FAM135B: variants seen among roughly 807,000 people sequenced by gnomAD.
The protein encoded by FAM135B is family with sequence similarity 135 member B, also known as protein FAM135B.
A neutral mutation model predicts 127.7 loss-of-function variants in FAM135B; 43 were observed. That is an observed-to-expected ratio of 0.34 (90% CI 0.26 to 0.43). The LOEUF (loss-of-function observed/expected upper bound fraction) is 0.43, where lower values mean the gene tolerates loss of function less well. Among genes scored for constraint, FAM135B ranks in the 20% least tolerant of loss-of-function variants. FAM135B has a pLI of 1.00. For missense variants in FAM135B, 1,558 were observed against 1,725.6 expected (o/e 0.90, Z 1.72); for synonymous variants, 670 against 665.1 (o/e 1.01, Z -0.11).
At chr8:138,482,080 C>T (rs1017344536) in intron 1 of FAM135B, among the ~76,000 whole-genome samples, 1 of 152,158 alleles carries the variant, frequency 6.6e-6, no homozygotes, top group Non-Finnish European at 1.5e-5. Flanking sequence ...CCACATCATG[C>T]CCAAGCTTCA....
intron 1 of FAM135B, among the ~76,000 whole-genome samples, chr8:138,436,263 T>C (rs1367601980): frequency 3.3e-5 from 5 of 152,156 alleles, no homozygotes; most frequent in East Asian, 3.9e-4. Context: ...CTCGGTAAGA[T>C]CAATGGATAT....
intron 1 of FAM135B, among the ~76,000 whole-genome samples, chr8:138,446,341 T>C (rs1290006940): frequency 5.3e-5 from 8 of 152,052 alleles, no homozygotes; most frequent in Non-Finnish European, 8.8e-5. Context: ...GAGCCCGCAT[T>C]GCCAAGTCAA....
intron 2 of FAM135B, among the ~76,000 whole-genome samples, chr8:138,363,375 T>C (rs1239748389): frequency 6.6e-6 from 1 of 152,156 alleles, no homozygotes; most frequent in Non-Finnish European, 1.5e-5. Context: ...GGCCATACAA[T>C]GTTGGGTTGG....
intron 1 of FAM135B, among the ~76,000 whole-genome samples, chr8:138,472,859 C>G (rs1288597035): frequency 6.6e-6 from 1 of 152,112 alleles, no homozygotes; most frequent in Non-Finnish European, 1.5e-5. Flanking sequence ...TCTGTTAATG[C>G]AGATGCATTG....
chr8:138,214,935 A>G (rs932228009), intron 7 of FAM135B, among the ~76,000 whole-genome samples: 1 of 152,206 alleles, frequency 6.6e-6, no homozygotes, highest in African/African-American at 2.4e-5. Flanking sequence ...GAATTAGGAC[A>G]TATTTGCAGG....
At chr8:138,136,109 T>C (rs1191315549) in intron 19 of FAM135B, among the ~76,000 whole-genome samples, 2 of 151,924 alleles carry the variant, frequency 1.3e-5, no homozygotes, top group African/African-American at 4.8e-5. Flanking sequence ...TTACATATAC[T>C]AGATGGTATA....
rs2280848 is a variant in FAM135B at position 138,132,671 on chromosome 8, G to A, written c.4143C>T (p.Ala1381=). 0.036 allele frequency: 57,511 copies of A among 1,614,042 alleles called. 2,034 individuals carry two copies. Among genetic ancestry groups the A allele is most frequent in the East Asian group, 0.22 (9,933 of 44,844 alleles). The part of the protein sequence containing the change: ...PNTANTLIGR[A]AHIAVLDSEL... ...CTGAATCCAGCACAGCGATGTGAGC[G>A]GCTCGGCCGATCAGGGTGTTGGCAG... The change falls in exon 20 of 20, where the codon GCC becomes GCT. Residue 1381 remains alanine (A), a synonymous_variant. Coordinates refer to ENST00000395297, the MANE Select transcript of FAM135B (RefSeq NM_015912.4). This position sits in a 1 kb window ranked among gnomAD's most constrained non-coding sequence, Gnocchi z 4.5.
At chr8:138,172,967 G>A (rs1461047370) in intron 11 of FAM135B, among the ~76,000 whole-genome samples, 1 of 152,134 alleles carries the variant, frequency 6.6e-6, no homozygotes, top group African/African-American at 2.4e-5. Flanking sequence ...GGTCGGCCTT[G>A]CACACCTGTG....
In FAM135B at chr8:138,197,630, C is replaced by T. The variant is rs554108334; in HGVS notation, c.709G>A (p.Ala237Thr). 41 of 1,614,162 alleles carry T rather than the reference C, an allele frequency of 2.5e-5. No individual in the cohort carries two copies. In the South Asian group the frequency reaches 3.1e-4, roughly 12 times the overall value. ...YITSENCMQH[A>T]HKWHRDLCLL... is the part of the protein sequence containing the mutation. ...CACAGGTCTCGGTGCCACTTGTGTGCGTGCTGCATGCAGTTCTCAGAGGTG... is the reference window on the plus strand; with the variant it reads ...CACAGGTCTCGGTGCCACTTGTGTGTGTGCTGCATGCAGTTCTCAGAGGTG... Residue 237 changes from alanine to threonine, a missense_variant, in exon 8 of 20, where the codon GCA becomes ACA. Around this residue, in one of 5 missense-constraint regions of FAM135B, gnomAD observed 127 missense variants for 109.7 expected, o/e 1.16. Coordinates refer to ENST00000395297, the MANE Select transcript of FAM135B (RefSeq NM_015912.4).
chr8:138,135,870 G>C (rs1816615650), intron 19 of FAM135B, among the ~76,000 whole-genome samples: 1 of 151,778 alleles, frequency 6.6e-6, no homozygotes, highest in Non-Finnish European at 1.5e-5. Context: ...TTATTAACAT[G>C]GACAAATAAC....
intron 1 of FAM135B, among the ~76,000 whole-genome samples, chr8:138,445,701 TG>T (rs1477418733): frequency 6.6e-6 from 1 of 152,186 alleles, no homozygotes; most frequent in Non-Finnish European, 1.5e-5. Flanking sequence ...AATATCATAC[TG>T]AATGGACAAG....
intron 9 of FAM135B, among the ~76,000 whole-genome samples, chr8:138,191,445 T>C (rs1054311566): frequency 1.2e-4 from 18 of 152,188 alleles, no homozygotes; most frequent in African/African-American, 4.1e-4. Context: ...GGTCAGTCAT[T>C]TCCTCACCTT....
intron 3 of FAM135B, among the ~76,000 whole-genome samples, chr8:138,301,176 C>G (rs770168019): frequency 1.3e-5 from 2 of 152,110 alleles, no homozygotes; most frequent in East Asian, 3.9e-4. Flanking sequence ...CTGCACTATG[C>G]GATGTGGACC....
intron 1 of FAM135B, among the ~76,000 whole-genome samples, chr8:138,447,548 G>A (rs895183514): frequency 2.6e-5 from 4 of 151,460 alleles, no homozygotes; most frequent in Non-Finnish European, 2.9e-5. Context: ...GCAAACTATC[G>A]CAAGGACAAA....
intron 3 of FAM135B, chr8:138,308,875 G>A: frequency 3.1e-6 from 1 of 321,820 alleles, no homozygotes; most frequent in South Asian, 2.7e-5. Flanking sequence ...GTTGGCTGTG[G>A]TGTTATTTCT....
intron 2 of FAM135B, among the ~76,000 whole-genome samples, chr8:138,318,494 C>A (rs140232376): frequency 1.3e-5 from 2 of 152,258 alleles, no homozygotes; most frequent in East Asian, 1.9e-4. Flanking sequence ...CTTGGTTGAT[C>A]CCCCACAAAT....
chr8:138,300,388 T>G (rs1046390584), intron 3 of FAM135B, among the ~76,000 whole-genome samples: 1 of 152,174 alleles, frequency 6.6e-6, no homozygotes, highest in Non-Finnish European at 1.5e-5. Context: ...AGTATTCCAT[T>G]TGCCTAACAG....
chr8:138,236,083 G>GTAAGTTCC (rs144019092), intron 7 of FAM135B, among the ~76,000 whole-genome samples: 2,051 of 152,178 alleles, frequency 0.013, 34 homozygotes, highest in African/African-American at 0.044. Flanking sequence ...CACTCTATCT[G>GTAAGTTCC]TAAGTTCCTT....
chr8:138,422,535 C>T lies in FAM135B; in HGVS notation c.-19-54533G>A, dbSNP rs577177619. Reference sequence around the variant, plus strand: ...TGAAAAAATGCTCAACATCACTAATCACTAGAGAAATTCAAATCAAAACTA... The same window carrying T: ...TGAAAAAATGCTCAACATCACTAATTACTAGAGAAATTCAAATCAAAACTA... On this transcript the variant is annotated intron_variant, in intron 1 of 19. Transcript: ENST00000395297. Among the ~76,000 whole-genome samples the T allele has an allele frequency of 7.9e-5, 12 of 152,176 alleles. No homozygotes were observed. The South Asian group carries it at 2.3e-3, about 29-fold the overall frequency.
Sources: allele counts gnomAD v4.1 joint callset (sites outside exome capture counted in the v4.1 genomes callset), GRCh38; gene constraint gnomAD v4.1.1; regional missense constraint gnomAD v4.1.1; non-coding constraint Gnocchi (gnomAD v3.1); transcripts MANE v1.5; gene names NCBI Gene and HGNC (gene_info 2026-07-23, HGNC 2026-07-21).